The following LPP variants were observed in gnomAD, a reference collection of about 807,000 sequenced individuals.
LPP encodes the protein LIM domain containing preferred translocation partner in lipoma, also known as lipoma-preferred partner.
Under a neutral mutation model 60.4 loss-of-function variants are expected in LPP, and 38 were observed. The ratio of observed to expected loss-of-function variants is 0.63; its 90% CI spans 0.49 to 0.83. LPP has a LOEUF of 0.83. Ranked by LOEUF, LPP falls within the 40% of genes least tolerant of loss-of-function variation. The pLI is 0.00. For synonymous variants in LPP, 328 were observed against 290.8 expected (o/e 1.13, Z -1.30); for missense variants, 902 against 783.6 (o/e 1.15, Z -1.80).
At position 188,609,078 on chromosome 3, in the gene LPP, AT is replaced by A. The variant is rs1180938931; in HGVS notation, c.430-78del. 1.4e-5 allele frequency: 14 copies of A among 996,830 alleles called. No individual in the cohort carries two copies. In the Middle Eastern group the frequency reaches 1.4e-3, roughly 99 times the overall value. 61.7% of individuals were successfully genotyped at this position (996,830 alleles called of 1,614,324 possible). A position where few individuals can be genotyped will look rare whatever the true frequency, so the allele number is the denominator to read the frequency against. ...TAAATAATAATTAGCAGTTATTAAT[AT>A]TTTTCATTTATTCATTTTTATTGAG... On this transcript the variant is annotated intron_variant, in intron 6 of 11. Coordinates refer to ENST00000617246, the MANE Select transcript of LPP (RefSeq NM_001375462.1). The surrounding 1 kb of genome is among the most constrained non-coding windows in gnomAD (Gnocchi z 6.9).
intron 9 of LPP, among the ~76,000 whole-genome samples, chr3:188,855,313 C>G (rs1014964731): frequency 6.6e-6 from 1 of 152,160 alleles, no homozygotes; most frequent in African/African-American, 2.4e-5. Context: ...CCTGTTATGT[C>G]TTAAGCGCTG....
intron 6 of LPP, among the ~76,000 whole-genome samples, chr3:188,567,705 T>C (rs1412248865): frequency 1.3e-5 from 2 of 151,952 alleles, no homozygotes; most frequent in Non-Finnish European, 2.9e-5. Context: ...GGTCTTTGAG[T>C]AAATAGAGCC....
rs1725758378 is a variant in LPP, at chr3:188,745,198, T to C, written c.1241-14915T>C. Among the ~76,000 whole-genome samples the C allele has an allele frequency of 2.0e-5, 3 of 152,196 alleles. No individual in the cohort carries two copies. The South Asian group carries it at 6.2e-4, about 32-fold the overall frequency. The stretch of plus-strand genomic sequence containing the variant: ...ATTTATTTTATATGGTAATTATAGA[T>C]GTCCATTTGTTCTAGGGAAGGCAGG... On this transcript the variant is annotated intron_variant, in intron 8 of 11. Coordinates refer to ENST00000617246, the MANE Select transcript of LPP (RefSeq NM_001375462.1).
chr3:188,543,133 G>A (rs538326157), intron 6 of LPP, among the ~76,000 whole-genome samples: 11 of 152,100 alleles, frequency 7.2e-5, no homozygotes, highest in Admixed American at 3.9e-4. Flanking sequence ...TAGGGCTTAC[G>A]TTTCTGTTAG....
At chr3:188,873,674 G>T (rs1156603041) in intron 11 of LPP, among the ~76,000 whole-genome samples, 1 of 152,082 alleles carries the variant, frequency 6.6e-6, no homozygotes, top group Non-Finnish European at 1.5e-5. Context: ...GTGGCAGTCG[G>T]CCTGTGTGCA....
chr3:188,738,528 C>T (rs1723297755), intron 8 of LPP, among the ~76,000 whole-genome samples: 1 of 151,958 alleles, frequency 6.6e-6, no homozygotes, highest in African/African-American at 2.4e-5. Context: ...CTTACTCTAC[C>T]CTAGTGGTAA....
At chr3:188,756,130 A>G (rs1396187674) in intron 8 of LPP, among the ~76,000 whole-genome samples, 1 of 152,188 alleles carries the variant, frequency 6.6e-6, no homozygotes, top group African/African-American at 2.4e-5. Context: ...GGTGGAAAGC[A>G]GGCATTTCTG....
Position 188,572,708 on chromosome 3 carries a change from G to A in LPP, c.430-36453G>A, listed in dbSNP as rs1373262355. ...GGGTGTAAGCACTTTGTAAATCCAA[G>A]TAAGAATTATTAGTTAGGATAGTTC... On this transcript the variant is annotated intron_variant, in intron 6 of 11. Transcript: ENST00000617246. The surrounding 1 kb of genome is among the most constrained non-coding windows in gnomAD (Gnocchi z 4.1). Among the ~76,000 whole-genome samples, 2 of 152,074 alleles carry A rather than the reference G, an allele frequency of 1.3e-5. No homozygotes were observed. Among genetic ancestry groups the A allele is most frequent in the Non-Finnish European group, 1.5e-5 (1 of 68,016 alleles).
chr3:188,214,046 C>T (rs554689136), intron 1 of LPP, among the ~76,000 whole-genome samples: 199 of 150,278 alleles, frequency 1.3e-3, no homozygotes, highest in Non-Finnish European at 2.4e-3. Flanking sequence ...AAGACACCGA[C>T]CTATTACGTC....
chr3:188,434,739 C>T (rs1422731798), intron 4 of LPP, among the ~76,000 whole-genome samples: 2 of 152,156 alleles, frequency 1.3e-5, no homozygotes, highest in South Asian at 2.1e-4. Flanking sequence ...GACTTGGTTG[C>T]GCTTGATGGC....
At chr3:188,793,570 G>T (rs1037564152) in intron 9 of LPP, among the ~76,000 whole-genome samples, 1 of 152,110 alleles carries the variant, frequency 6.6e-6, no homozygotes, top group Non-Finnish European at 1.5e-5. Context: ...AGAGTAAGCG[G>T]CCAGCCTGCC....
chr3:188,629,220 T>C (rs911929326), intron 7 of LPP, among the ~76,000 whole-genome samples: 2 of 151,938 alleles, frequency 1.3e-5, no homozygotes, highest in African/African-American at 2.4e-5. Context: ...CTTCCACCAC[T>C]CCTATTCAAC....
At chr3:188,664,294 G>A (rs2149158207) in intron 7 of LPP, among the ~76,000 whole-genome samples, 1 of 152,244 alleles carries the variant, frequency 6.6e-6, no homozygotes, top group Middle Eastern at 3.4e-3. Context: ...TAGAGATAAA[G>A]CTCTGTGAAG....
At chr3:188,618,467 G>T (rs1222697956) in intron 7 of LPP, among the ~76,000 whole-genome samples, 2 of 152,188 alleles carry the variant, frequency 1.3e-5, no homozygotes, top group Non-Finnish European at 2.9e-5. Context: ...ACCTAAGGGA[G>T]GGTAAGAACT....
intron 3 of LPP, among the ~76,000 whole-genome samples, chr3:188,397,255 A>G (rs1781171030): frequency 6.6e-6 from 1 of 152,170 alleles, no homozygotes; most frequent in African/African-American, 2.4e-5. Flanking sequence ...TAGCTGCTCT[A>G]TTACATTGGA....
At chr3:188,347,749 G>A (rs560134935) in intron 3 of LPP, among the ~76,000 whole-genome samples, 62 of 152,226 alleles carry the variant, frequency 4.1e-4, no homozygotes, top group Non-Finnish European at 7.1e-4. Flanking sequence ...AGCACCTGAT[G>A]ACCCACTGTG....
At position 188,878,757 on chromosome 3, in the gene LPP, A is replaced by G. The variant is rs1769545900; in HGVS notation, c.*4278A>G. ...AAATATACTCACCAAAAAGTAAAAA[A>G]GTAAAAAAAAAAAAAAAAGAAAGAA... On this transcript the variant is annotated 3_prime_UTR_variant, in exon 12 of 12. Coordinates refer to ENST00000617246, the MANE Select transcript of LPP (RefSeq NM_001375462.1). The G allele has an allele frequency of 6.3e-6, 1 of 158,902 alleles. No homozygotes were observed. The highest frequency in any genetic ancestry group is 7.9e-5 in the Admixed American group (1 of 12,720). 9.8% of individuals were successfully genotyped at this position (158,902 alleles called of 1,614,324 possible).
rs1283487320 is a variant in LPP at position 188,572,443 on chromosome 3, A to G, written c.430-36718A>G. Among the ~76,000 whole-genome samples, 1 of 152,068 alleles carries G rather than the reference A, an allele frequency of 6.6e-6. No homozygotes were observed. Among genetic ancestry groups the G allele is most frequent in the Non-Finnish European group, 1.5e-5 (1 of 67,996 alleles). On this transcript the variant is annotated intron_variant, in intron 6 of 11. Transcript: ENST00000617246. The surrounding 1 kb of genome is among the most constrained non-coding windows in gnomAD (Gnocchi z 4.1). ...CCTCATTAGGATTTGGGTAGAGGTTAATGTCGGTAGACACATTATTAGAGT... is the reference window on the plus strand; with the variant it reads ...CCTCATTAGGATTTGGGTAGAGGTTGATGTCGGTAGACACATTATTAGAGT...
chr3:188,331,021 A>G (rs980295976), intron 2 of LPP, among the ~76,000 whole-genome samples: 7 of 151,936 alleles, frequency 4.6e-5, no homozygotes, highest in East Asian at 3.9e-4. Flanking sequence ...AGACTTCTAC[A>G]TTTGTTTTTT....
Sources: allele counts gnomAD v4.1 joint callset (sites outside exome capture counted in the v4.1 genomes callset), GRCh38; gene constraint gnomAD v4.1.1; non-coding constraint Gnocchi (gnomAD v3.1); transcripts MANE v1.5; gene names NCBI Gene and HGNC (gene_info 2026-07-23, HGNC 2026-07-21).